Variants in WHRN observed in about 807,000 individuals in gnomAD.
WHRN encodes whirlin, also known as CASK-interacting protein CIP98.
In WHRN, 41 loss-of-function variants were observed where a neutral mutation model predicts 68.3. The observed-to-expected ratio is 0.60, with a 90% CI of 0.47 to 0.78. The LOEUF is 0.78. Ranked by LOEUF, WHRN falls within the 30% of genes least tolerant of loss-of-function variation. The pLI is 0.00. For missense variants in WHRN, 1,243 were observed against 1,244.7 expected (o/e 1.00, Z 0.02); for synonymous variants, 560 against 561.3 (o/e 1.00, Z 0.03).
intron 3 of WHRN, among the ~76,000 whole-genome samples, chr9:114,455,484 G>T (rs548860964): frequency 6.6e-6 from 1 of 152,250 alleles, no homozygotes; most frequent in South Asian, 2.1e-4. Flanking sequence ...ACTTTGGGAG[G>T]CAGATTGCTT....
chr9:114,488,343 T>C (rs1439558730), intron 1 of WHRN, among the ~76,000 whole-genome samples: 8 of 152,144 alleles, frequency 5.3e-5, no homozygotes, highest in Non-Finnish European at 1.2e-4. Context: ...ATTACAGCGA[T>C]GATGCCACAT....
At chr9:114,482,367 G>A (rs746356278) in intron 1 of WHRN, among the ~76,000 whole-genome samples, 1 of 152,190 alleles carries the variant, frequency 6.6e-6, no homozygotes, top group African/African-American at 2.4e-5. Context: ...GAGTGCAAGT[G>A]GAAAAATCAC....
intron 3 of WHRN, among the ~76,000 whole-genome samples, chr9:114,453,383 C>A (rs969508457): frequency 2.6e-5 from 4 of 152,182 alleles, no homozygotes; most frequent in Non-Finnish European, 4.4e-5. Flanking sequence ...CAGTAGGCCC[C>A]CTCCAACACT....
At chr9:114,452,255 C>G (rs974359276) in intron 3 of WHRN, among the ~76,000 whole-genome samples, 5 of 152,232 alleles carry the variant, frequency 3.3e-5, no homozygotes, top group Non-Finnish European at 7.3e-5. Flanking sequence ...AAGAATCCTC[C>G]GGGTTCCAAA....
intron 3 of WHRN, among the ~76,000 whole-genome samples, chr9:114,454,724 T>C (rs953250827): frequency 2.6e-5 from 4 of 152,186 alleles, no homozygotes; most frequent in African/African-American, 9.7e-5. Context: ...ATTCTAATTT[T>C]TTTTATGGAA....
At chr9:114,467,516 G>T (rs1030213293) in intron 2 of WHRN, among the ~76,000 whole-genome samples, 14 of 152,022 alleles carry the variant, frequency 9.2e-5, no homozygotes, top group African/African-American at 2.7e-4. Context: ...GTCAGCCGGC[G>T]GGGGGGAAGG....
chr9:114,466,723 G>A (rs570548392), intron 2 of WHRN, among the ~76,000 whole-genome samples: 3 of 152,240 alleles, frequency 2.0e-5, no homozygotes, highest in African/African-American at 7.2e-5. Context: ...TGCTCTTCAC[G>A]CCACAGTGGC....
chr9:114,459,368 G>C (rs1281408496), intron 3 of WHRN, among the ~76,000 whole-genome samples: 1 of 152,156 alleles, frequency 6.6e-6, no homozygotes, highest in African/African-American at 2.4e-5. Context: ...GGAGGCTGAA[G>C]CAGGAGAATT....
chr9:114,488,727 T>G (rs987483076), intron 1 of WHRN, among the ~76,000 whole-genome samples: 4 of 152,186 alleles, frequency 2.6e-5, no homozygotes, highest in Non-Finnish European at 5.9e-5. Context: ...CCCAGTAGCT[T>G]ATTTTAATGT....
At chr9:114,414,860 T>C (rs1166525528) in intron 7 of WHRN, among the ~76,000 whole-genome samples, 1 of 152,204 alleles carries the variant, frequency 6.6e-6, no homozygotes, top group Non-Finnish European at 1.5e-5. Context: ...CCTATCATCC[T>C]CGATATGCCC....
chr9:114,469,206 T>C (rs1353293589), intron 2 of WHRN, among the ~76,000 whole-genome samples: 2 of 152,210 alleles, frequency 1.3e-5, no homozygotes, highest in Non-Finnish European at 2.9e-5. Flanking sequence ...AGGTGCGACC[T>C]GGAAAGCAGG....
chr9:114,412,386 CT>C (rs1835510131), intron 7 of WHRN, among the ~76,000 whole-genome samples: 1 of 152,198 alleles, frequency 6.6e-6, no homozygotes, highest in Non-Finnish European at 1.5e-5. Flanking sequence ...CCCCCTCCCC[CT>C]GTACCCACTG....
At chr9:114,484,523 C>A (rs994684222) in intron 1 of WHRN, among the ~76,000 whole-genome samples, 2 of 152,232 alleles carry the variant, frequency 1.3e-5, no homozygotes, top group African/African-American at 4.8e-5. Context: ...CAATGAGCTA[C>A]GGCTGAAAAG....
intron 2 of WHRN, among the ~76,000 whole-genome samples, chr9:114,470,210 C>T (rs1254868539): frequency 6.6e-6 from 1 of 152,186 alleles, no homozygotes; most frequent in Admixed American, 6.5e-5. Context: ...AGTCTATTCC[C>T]AGGAGCCCAG....
chr9:114,443,593 T>C (rs1838568656), intron 3 of WHRN, among the ~76,000 whole-genome samples: 1 of 152,200 alleles, frequency 6.6e-6, no homozygotes, highest in African/African-American at 2.4e-5. Flanking sequence ...ATCATCTCCC[T>C]ACCTCAAGGC....
intron 7 of WHRN, among the ~76,000 whole-genome samples, chr9:114,422,637 C>T (rs996024387): frequency 1.9e-4 from 29 of 152,032 alleles, no homozygotes; most frequent in African/African-American, 6.3e-4. Context: ...AGTTCGAGAC[C>T]AGCCTGGCTA....
chr9:114,407,197 G>A (rs1472032072), intron 8 of WHRN, among the ~76,000 whole-genome samples: 1 of 152,246 alleles, frequency 6.6e-6, no homozygotes, highest in Non-Finnish European at 1.5e-5. Flanking sequence ...GAGACACGAT[G>A]AAGAGGATGG....
At chr9:114,415,163 G>A (rs1835722348) in intron 7 of WHRN, among the ~76,000 whole-genome samples, 2 of 152,006 alleles carry the variant, frequency 1.3e-5, no homozygotes, top group Admixed American at 6.5e-5. Flanking sequence ...GCTGTGCATG[G>A]GAGCATGTGC....
At chr9:114,475,045 G>T (rs1484369465) in intron 2 of WHRN, among the ~76,000 whole-genome samples, 1 of 152,190 alleles carries the variant, frequency 6.6e-6, no homozygotes, top group Non-Finnish European at 1.5e-5. Flanking sequence ...CTGGTGCACT[G>T]TTGGTGGGAA....
Sources: allele counts gnomAD v4.1 joint callset (sites outside exome capture counted in the v4.1 genomes callset), GRCh38; gene constraint gnomAD v4.1.1; transcripts MANE v1.5; gene names NCBI Gene and HGNC (gene_info 2026-07-23, HGNC 2026-07-21).